The following PRKG1 variants were observed in gnomAD, a reference collection of about 807,000 sequenced individuals.
PRKG1 encodes cGMP-dependent protein kinase 1.
Under a neutral mutation model 88.1 loss-of-function variants are expected in PRKG1, and 35 were observed. The ratio of observed to expected loss-of-function variants is 0.40; its 90% CI spans 0.30 to 0.53. The LOEUF (loss-of-function observed/expected upper bound fraction) is 0.53, where lower values mean the gene tolerates loss of function less well. Among genes scored for constraint, PRKG1 ranks in the 20% least tolerant of loss-of-function variants. The pLI is 0.59. For missense variants in PRKG1, 540 were observed against 839.8 expected, an observed-to-expected ratio of 0.64 and a Z score of 4.41; for synonymous variants, 303 against 292.5, an observed-to-expected ratio of 1.04 and a Z score of -0.37.
chr10:52,140,611 C>A (rs1031985378), intron 8 of PRKG1, among the ~76,000 whole-genome samples: 3 of 152,090 alleles, frequency 2.0e-5, no homozygotes, highest in African/African-American at 7.2e-5. Context: ...TAAAATGGTT[C>A]TCTGCAATAG....
chr10:51,279,569 G>A (rs1840233204), intron 2 of PRKG1, among the ~76,000 whole-genome samples: 1 of 152,104 alleles, frequency 6.6e-6, no homozygotes, highest in South Asian at 2.1e-4. Flanking sequence ...CCCTGTATTG[G>A]GTGCATATAT....
At chr10:51,405,412 C>A (rs527510705) in intron 2 of PRKG1, among the ~76,000 whole-genome samples, 1 of 152,282 alleles carries the variant, frequency 6.6e-6, no homozygotes, top group South Asian at 2.1e-4. Flanking sequence ...CAATGCCAGA[C>A]AAATACCACT....
At chr10:51,299,911 A>G (rs1428618205) in intron 2 of PRKG1, among the ~76,000 whole-genome samples, 1 of 152,190 alleles carries the variant, frequency 6.6e-6, no homozygotes, top group East Asian at 1.9e-4. Context: ...TGAGTCATGC[A>G]TTTCCTGGTA....
intron 3 of PRKG1, among the ~76,000 whole-genome samples, chr10:51,727,802 G>T (rs2132464318): frequency 6.6e-6 from 1 of 152,226 alleles, no homozygotes; most frequent in East Asian, 1.9e-4. Context: ...TTCCAAGGGA[G>T]TTATTATATT....
At chr10:51,943,993 C>T (rs1055829007) in intron 5 of PRKG1, among the ~76,000 whole-genome samples, 5 of 152,020 alleles carry the variant, frequency 3.3e-5, no homozygotes, top group Non-Finnish European at 4.4e-5. Context: ...AGGATTCCCT[C>T]TTTTTCTGTT....
intron 9 of PRKG1, among the ~76,000 whole-genome samples, chr10:52,192,682 A>G (rs997702963): frequency 1.3e-5 from 2 of 152,126 alleles, no homozygotes; most frequent in Admixed American, 6.5e-5. Flanking sequence ...TCCAGATATC[A>G]ATAAATATCA....
intron 5 of PRKG1, among the ~76,000 whole-genome samples, chr10:51,977,132 C>G (rs1040459791): frequency 6.6e-6 from 1 of 151,950 alleles, no homozygotes; most frequent in African/African-American, 2.4e-5. Context: ...CCACAACTCT[C>G]CAATAGGCCC....
chr10:51,698,207 A>C lies in PRKG1; in HGVS notation c.593-106378A>C, dbSNP rs768854110. ...TCTTGCATCCATGCCCCTTGCTTCC[A>C]TCCCTCTGGTTTCCATCGCACAGGT... On this transcript the variant is annotated intron_variant, in intron 3 of 17. Coordinates refer to ENST00000373980, the MANE Select transcript of PRKG1 (RefSeq NM_006258.4). 5.6e-6 allele frequency: 9 copies of C among 1,613,824 alleles called. No homozygotes were observed. In the African/African-American group the frequency reaches 1.1e-4, roughly 19 times the overall value.
chr10:51,481,192 C>T (rs1840345767), intron 3 of PRKG1, among the ~76,000 whole-genome samples: 2 of 142,578 alleles, frequency 1.4e-5, no homozygotes, highest in Admixed American at 1.4e-4. Flanking sequence ...TCCTTCCCTC[C>T]CTCTCTCCCT....
intron 3 of PRKG1, among the ~76,000 whole-genome samples, chr10:51,711,395 C>T (rs766241101): frequency 4.6e-5 from 7 of 152,156 alleles, no homozygotes; most frequent in Non-Finnish European, 7.3e-5. Flanking sequence ...TGAGCCACTG[C>T]GCCTGGCCTG....
At chr10:52,146,564 G>A (rs954911437) in intron 8 of PRKG1, among the ~76,000 whole-genome samples, 3 of 152,132 alleles carry the variant, frequency 2.0e-5, no homozygotes, top group Non-Finnish European at 2.9e-5. Context: ...CACACAGCTT[G>A]TAAGTAAAGA....
At chr10:51,841,260 G>A (rs751805070) in intron 4 of PRKG1, among the ~76,000 whole-genome samples, 2 of 152,124 alleles carry the variant, frequency 1.3e-5, no homozygotes, top group Non-Finnish European at 2.9e-5. Context: ...TATTGAACAT[G>A]GACTCTGTGC....
chr10:51,071,190 AT>A (rs2132797212), upstream of PRKG1, among the ~76,000 whole-genome samples: 2 of 152,358 alleles, frequency 1.3e-5, no homozygotes, highest in South Asian at 4.1e-4. Flanking sequence ...TATTTCCAGC[AT>A]TTACTAAGTA....
At chr10:51,136,733 G>A (rs1325098517) in intron 1 of PRKG1, among the ~76,000 whole-genome samples, 3 of 151,502 alleles carry the variant, frequency 2.0e-5, no homozygotes, top group African/African-American at 7.3e-5. Flanking sequence ...ATAATTGGAA[G>A]GTTTCTTGTA....
chr10:52,119,120 T>C (rs1359751365), intron 7 of PRKG1, among the ~76,000 whole-genome samples: 1 of 152,176 alleles, frequency 6.6e-6, no homozygotes, highest in Non-Finnish European at 1.5e-5. Flanking sequence ...ACACTACTTA[T>C]ATTTTCAGAC....
At chr10:51,561,136 G>T (rs969700520) in intron 3 of PRKG1, among the ~76,000 whole-genome samples, 1 of 151,840 alleles carries the variant, frequency 6.6e-6, no homozygotes, top group Non-Finnish European at 1.5e-5. Flanking sequence ...AAAATTAGCT[G>T]GGTGTGGTAG....
At chr10:52,032,528 C>CT (rs1397192178) in intron 5 of PRKG1, among the ~76,000 whole-genome samples, 2 of 151,994 alleles carry the variant, frequency 1.3e-5, no homozygotes, top group Non-Finnish European at 2.9e-5. Context: ...TTAATAGCAG[C>CT]TTTTTAAAAT....
chr10:51,240,593 A>G (rs2132123857), intron 2 of PRKG1, among the ~76,000 whole-genome samples: 1 of 152,344 alleles, frequency 6.6e-6, no homozygotes, highest in African/African-American at 2.4e-5. Context: ...ATATCTAGAA[A>G]TGTATTCACA....
chr10:51,439,014 A>T (rs1423101915), intron 2 of PRKG1, among the ~76,000 whole-genome samples: 2 of 151,310 alleles, frequency 1.3e-5, no homozygotes, highest in Non-Finnish European at 3.0e-5. Flanking sequence ...TTTTTTTTTA[A>T]AAAAAAAGAG....
Sources: allele counts gnomAD v4.1 joint callset (sites outside exome capture counted in the v4.1 genomes callset), GRCh38; gene constraint gnomAD v4.1.1; transcripts MANE v1.5; gene names NCBI Gene and HGNC (gene_info 2026-07-23, HGNC 2026-07-21).